Variants in GTF2F2 observed in about 807,000 individuals in gnomAD.
The protein encoded by GTF2F2 is general transcription factor IIF subunit 2, also known as ATP-dependent helicase GTF2F2.
A neutral mutation model predicts 42.2 loss-of-function variants in GTF2F2; 23 were observed. That is an observed-to-expected ratio of 0.55 (90% CI 0.39 to 0.77). The LOEUF is 0.77. Among genes scored for constraint, GTF2F2 ranks in the 30% least tolerant of loss-of-function variants. The probability of loss-of-function intolerance (pLI) is 0.00; values close to 1 mark genes in which losing one functional copy is unlikely to be tolerated. For synonymous variants in GTF2F2, 105 were observed against 100.8 expected (o/e 1.04, Z -0.25); for missense variants, 261 against 287.2 (o/e 0.91, Z 0.66).
chr13:45,152,448 T>G (rs1410447708), intron 4 of GTF2F2, among the ~76,000 whole-genome samples: 2 of 152,340 alleles, frequency 1.3e-5, no homozygotes, highest in Non-Finnish European at 1.5e-5. Context: ...GAAATAGTAT[T>G]CTGAATTTTG....
intron 4 of GTF2F2, among the ~76,000 whole-genome samples, chr13:45,154,128 A>G (rs1047804008): frequency 6.6e-6 from 1 of 152,128 alleles, no homozygotes; most frequent in African/African-American, 2.4e-5. Context: ...CATGGCACCA[A>G]GACAGTAAAA....
intron 2 of GTF2F2, among the ~76,000 whole-genome samples, chr13:45,148,849 T>C (rs181624302): frequency 5.9e-5 from 9 of 152,204 alleles, no homozygotes; most frequent in Non-Finnish European, 7.4e-5. Context: ...TAGAAAATAG[T>C]GTGGAAAGAT....
In GTF2F2 at chr13:45,149,635, A is replaced by G. The variant is rs1188307493; in HGVS notation, c.141-135A>G. Reference sequence around the variant, plus strand: ...ATAAATAGGATAGTTGTGGGGAGTCAAGGGTAAATATTGGTTAATCTCTGT... The same window carrying G: ...ATAAATAGGATAGTTGTGGGGAGTCGAGGGTAAATATTGGTTAATCTCTGT... On this transcript the variant is annotated intron_variant, in intron 2 of 7. Transcript: ENST00000340473. 6 of 833,550 alleles carry G rather than the reference A, an allele frequency of 7.2e-6. No individual in the cohort carries two copies. In the East Asian group the frequency reaches 2.0e-4, roughly 28 times the overall value. The allele number at this position is 833,550 out of a possible 1,614,324, so 51.6% of individuals were successfully genotyped here. A position where few individuals can be genotyped will look rare whatever the true frequency, so the allele number is the denominator to read the frequency against.
At position 45,130,109 on chromosome 13, in the gene GTF2F2, C is replaced by T. The variant is rs189424797; in HGVS notation, c.67-6624C>T. Among the ~76,000 whole-genome samples the T allele has an allele frequency of 1.2e-4, 19 of 152,330 alleles. No individual in the cohort carries two copies. The East Asian group carries it at 2.7e-3, about 22-fold the overall frequency. On this transcript the variant is annotated intron_variant, in intron 1 of 7. Coordinates refer to ENST00000340473, the MANE Select transcript of GTF2F2 (RefSeq NM_004128.3). ...ATCCAGGGAACTGGGTCACCTAAGA[C>T]ATTATAGGAGTTTTCTTCTGAGTGA...
intron 6 of GTF2F2, among the ~76,000 whole-genome samples, chr13:45,263,518 G>A (rs773443118): frequency 5.9e-5 from 9 of 152,096 alleles, no homozygotes; most frequent in South Asian, 4.1e-4. Context: ...GTGAGCCACC[G>A]CACCTGGCTT....
In GTF2F2 at chr13:45,124,105, G is replaced by T; in HGVS notation, c.66+3384G>T. 6 of 776,746 alleles carry T rather than the reference G, an allele frequency of 7.7e-6. No individual in the cohort carries two copies. In the South Asian group the frequency reaches 8.2e-5, roughly 11 times the overall value. The allele number at this position is 776,746 out of a possible 1,614,324, so 48.1% of individuals were successfully genotyped here. A position where few individuals can be genotyped will look rare whatever the true frequency, so the allele number is the denominator to read the frequency against. ...ACCAGGAAATGAACTTGACAAAGTG[G>T]TCGTTGAGGGCAATGCCAGCCCCAG... On this transcript the variant is annotated intron_variant, in intron 1 of 7. Transcript: ENST00000340473.
intron 4 of GTF2F2, among the ~76,000 whole-genome samples, chr13:45,153,786 A>G (rs1870616769): frequency 6.6e-6 from 1 of 151,886 alleles, no homozygotes; most frequent in Non-Finnish European, 1.5e-5. Flanking sequence ...GAGACTAACC[A>G]GGCCAACATG....
intron 4 of GTF2F2, among the ~76,000 whole-genome samples, chr13:45,198,484 G>T (rs912014371): frequency 7.2e-5 from 11 of 152,138 alleles, no homozygotes; most frequent in Admixed American, 3.9e-4. Flanking sequence ...AAAAGGAATG[G>T]TTTTAGAAGC....
At chr13:45,151,532 CT>C (rs1332820819) in intron 3 of GTF2F2, among the ~76,000 whole-genome samples, 154 bp from the exon 4 acceptor site, 3 of 151,976 alleles carry the variant, frequency 2.0e-5, no homozygotes, top group East Asian at 3.8e-4. Flanking sequence ...TTTATATTCT[CT>C]TTTTATGACC....
At chr13:45,185,261 C>CA (rs1402657202) in intron 4 of GTF2F2, among the ~76,000 whole-genome samples, 2 of 152,002 alleles carry the variant, frequency 1.3e-5, no homozygotes, top group African/African-American at 4.8e-5. Context: ...CCAGATAATC[C>CA]AAATTTTCCT....
chr13:45,159,338 T>A (rs951672709), intron 4 of GTF2F2, among the ~76,000 whole-genome samples: 10 of 152,276 alleles, frequency 6.6e-5, no homozygotes, highest in African/African-American at 2.2e-4. Context: ...ATTTATAATC[T>A]GTCCTGTATG....
chr13:45,187,531 A>T (rs894181980), intron 4 of GTF2F2, among the ~76,000 whole-genome samples: 1 of 152,096 alleles, frequency 6.6e-6, no homozygotes, highest in South Asian at 2.1e-4. Flanking sequence ...CTCTTCATAA[A>T]TTTTTTTAGC....
At chr13:45,267,398 T>G in intron 7 of GTF2F2, 22 bp downstream of exon 7, 1 of 1,503,826 alleles carries the variant, frequency 6.6e-7, no homozygotes, top group Non-Finnish European at 9.0e-7. Context: ...TTCATACTGA[T>G]CCTTTGAATA....
chr13:45,209,769 C>T (rs1430831575), intron 5 of GTF2F2, among the ~76,000 whole-genome samples: 2 of 152,192 alleles, frequency 1.3e-5, no homozygotes, highest in African/African-American at 4.8e-5. Flanking sequence ...AACTCCAGAT[C>T]TTTCCCGCAA....
intron 5 of GTF2F2, among the ~76,000 whole-genome samples, chr13:45,211,866 G>A (rs377420660): frequency 2.6e-5 from 4 of 152,096 alleles, no homozygotes; most frequent in Non-Finnish European, 5.9e-5. Context: ...GATTACAGGC[G>A]TAATCCACTG....
chr13:45,269,471 G>A (rs1248113363), intron 7 of GTF2F2, among the ~76,000 whole-genome samples: 1 of 152,122 alleles, frequency 6.6e-6, no homozygotes, highest in Non-Finnish European at 1.5e-5. Flanking sequence ...TCCATTGACT[G>A]GGAAAGAAAG....
chr13:45,132,383 C>CT (rs1167314267), intron 1 of GTF2F2, among the ~76,000 whole-genome samples: 1 of 150,278 alleles, frequency 6.7e-6, no homozygotes, highest in Non-Finnish European at 1.5e-5. Flanking sequence ...GGTTGTTGGA[C>CT]TTAAGAGTCC....
At chr13:45,181,200 A>AAAAAAAAACAAAAAAAC (rs766375703) in intron 4 of GTF2F2, among the ~76,000 whole-genome samples, 1 of 132,832 alleles carries the variant, frequency 7.5e-6, no homozygotes, top group African/African-American at 2.8e-5. Flanking sequence ...AAAAAAAAAA[A>AAAAAAAAACAAAAAAAC]AAACCAGAAA....
At chr13:45,183,574 A>G (rs537396484) in intron 4 of GTF2F2, among the ~76,000 whole-genome samples, 5 of 152,140 alleles carry the variant, frequency 3.3e-5, no homozygotes, top group African/African-American at 7.2e-5. Flanking sequence ...CACACTTTGC[A>G]GCCATAGAAC....
Sources: allele counts gnomAD v4.1 joint callset (sites outside exome capture counted in the v4.1 genomes callset), GRCh38; gene constraint gnomAD v4.1.1; transcripts MANE v1.5; gene names NCBI Gene and HGNC (gene_info 2026-07-23, HGNC 2026-07-21).